TRIM50: variants seen among roughly 807,000 people sequenced by gnomAD.
TRIM50 encodes the protein E3 ubiquitin-protein ligase TRIM50.
Under a neutral mutation model 44.9 loss-of-function variants are expected in TRIM50, and 34 were observed. The ratio of observed to expected loss-of-function variants is 0.76; its 90% confidence interval spans 0.58 to 1.01. TRIM50 has a LOEUF of 1.01. TRIM50 is among the 50% of genes least tolerant of loss of function. The pLI, the probability that TRIM50 is intolerant of heterozygous loss-of-function variation, is 0.00. For synonymous variants in TRIM50, 307 were observed against 291.1 expected (o/e 1.05, Z -0.56); for missense variants, 633 against 663.7 (o/e 0.95, Z 0.51).
intron 5 of TRIM50, among the ~76,000 whole-genome samples, chr7:73,317,256 G>A (rs1804385110): frequency 6.6e-6 from 1 of 150,434 alleles, no homozygotes; most frequent in Non-Finnish European, 1.5e-5. Context: ...GTTTCACCAT[G>A]TTGCCCAGGC....
chr7:73,321,192 A>C (rs1804487095), intron 2 of TRIM50, among the ~76,000 whole-genome samples: 2 of 152,040 alleles, frequency 1.3e-5, no homozygotes, highest in Admixed American at 1.3e-4. Flanking sequence ...AATATTCTGC[A>C]TTGACAGCAG....
At chr7:73,322,218 G>GACT (rs1554545168) in intron 2 of TRIM50, among the ~76,000 whole-genome samples, 3 of 152,118 alleles carry the variant, frequency 2.0e-5, no homozygotes, top group Non-Finnish European at 4.4e-5. Context: ...GCATGGTGGT[G>GACT]GGCGCCTGTA....
Position 73,316,601 on chromosome 7 carries a change from T to G in TRIM50, c.838A>C (p.Thr280Pro). The G allele has an allele frequency of 6.2e-7, 1 of 1,614,222 alleles. No individual in the cohort carries two copies. Among genetic ancestry groups the G allele is most frequent in the Non-Finnish European group, 8.5e-7 (1 of 1,180,032 alleles). The stretch of plus-strand genomic sequence containing the variant: ...TTCCGGAAGAGCCTTTTCCACACGG[T>G]CAGCTTGATGTCAGCCTGGTGGAGG... ...PGLHQADIKL[T>P]VWKRLFRKVL... is the part of the protein sequence containing the mutation. The change falls in exon 6 of 7, where the codon ACC becomes CCC. Residue 280 changes from threonine (T) to proline (P), a missense_variant. By Grantham distance (38) the Thr-to-Pro change is conservative. Transcript: ENST00000333149.
At chr7:73,325,867 AC>A (rs1554545974) in intron 1 of TRIM50, among the ~76,000 whole-genome samples, 2 of 116,900 alleles carry the variant, frequency 1.7e-5, no homozygotes, top group Non-Finnish European at 3.2e-5. Flanking sequence ...TCTTGCTCTT[AC>A]TCTCCTTTTT....
chr7:73,314,503 A>G (rs2115716109), intron 6 of TRIM50: 1 of 377,376 alleles, frequency 2.6e-6, no homozygotes. Flanking sequence ...CTAAGAGGCC[A>G]CCTGTCCTTG....
rs1804276527 is a variant in TRIM50 at position 73,313,327 on chromosome 7, A to C, written c.1058T>G (p.Val353Gly). 3 of 1,602,560 alleles carry C rather than the reference A, an allele frequency of 1.9e-6. No individual in the cohort carries two copies. Among genetic ancestry groups the C allele is most frequent in the Admixed American group, 1.7e-5 (1 of 58,458 alleles). ...CCAGTCGCTCTTGCTGCCCACCACC[A>C]CCTCCCAGTAGTGGCGGCCGCAGGA... ...GFSCGRHYWE[V>G]VVGSKSDWRL... is the part of the protein sequence containing the mutation. The change falls in exon 7 of 7, where the codon GTG becomes GGG. Residue 353 changes from valine to glycine, a missense_variant. By Grantham distance (109) the Val-to-Gly change is moderately radical. Transcript: ENST00000333149. The surrounding 1 kb of genome is among the most constrained non-coding windows in gnomAD (Gnocchi z 4.9).
chr7:73,313,328 C>T lies in TRIM50; in HGVS notation c.1057G>A (p.Val353Met). The T allele has an allele frequency of 6.2e-7, 1 of 1,606,344 alleles. No individual in the cohort carries two copies. Among genetic ancestry groups the T allele is most frequent in the Non-Finnish European group, 8.5e-7 (1 of 1,177,324 alleles). The stretch of plus-strand genomic sequence containing the variant: ...CAGTCGCTCTTGCTGCCCACCACCA[C>T]CTCCCAGTAGTGGCGGCCGCAGGAG... ...GFSCGRHYWE[V>M]VVGSKSDWRL... The change falls in exon 7 of 7, where the codon GTG becomes ATG. Residue 353 changes from valine (V) to methionine (M), a missense_variant. Coordinates refer to ENST00000333149, the MANE Select transcript of TRIM50 (RefSeq NM_178125.3). The surrounding 1 kb of genome is among the most constrained non-coding windows in gnomAD (Gnocchi z 4.9).
intron 2 of TRIM50, among the ~76,000 whole-genome samples, chr7:73,323,726 G>A (rs1198952341): frequency 6.6e-6 from 1 of 152,196 alleles, no homozygotes; most frequent in African/African-American, 2.4e-5. Flanking sequence ...ACCATAGAGT[G>A]CAAACAGGGG....
In TRIM50 at chr7:73,313,058, G is replaced by T; in HGVS notation, c.1327C>A (p.Gln443Lys). 1.3e-6 allele frequency: 2 copies of T among 1,583,686 alleles called. No homozygotes were observed. Among genetic ancestry groups the T allele is most frequent in the East Asian group, 2.3e-5 (1 of 43,480 alleles). ...PDDLRPLYTF[Q>K]ADFQGKLYPI... Reference sequence around the variant, plus strand: ...TAGAGCTTGCCCTGGAAGTCGGCCTGGAAGGTGTAGAGCGGCCGCAGGTCA... The same window carrying T: ...TAGAGCTTGCCCTGGAAGTCGGCCTTGAAGGTGTAGAGCGGCCGCAGGTCA... Residue 443 changes from glutamine to lysine, a missense_variant, in exon 7 of 7, where the codon CAG becomes AAG. By Grantham distance (53) the Gln-to-Lys change is moderately conservative (BLOSUM62 1). Coordinates refer to ENST00000333149, the MANE Select transcript of TRIM50 (RefSeq NM_178125.3). The surrounding 1 kb of genome is among the most constrained non-coding windows in gnomAD (Gnocchi z 4.9).
rs1554544531 is a variant in TRIM50, at chr7:73,318,842, C to T, written c.706G>A (p.Asp236Asn). The change falls in exon 4 of 7, where the codon GAC (aspartate) becomes AAC (asparagine). Residue 236 changes from aspartate (D) to asparagine (N), a missense_variant. Physicochemically the swap from Asp to Asn is conservative, Grantham distance 23 (BLOSUM62 1). Coordinates refer to ENST00000333149, the MANE Select transcript of TRIM50 (RefSeq NM_178125.3). Reference protein sequence around the residue: ...ECVLEQFGNEDHHKFIRKFHS... With the variant: ...ECVLEQFGNENHHKFIRKFHS... The stretch of plus-strand genomic sequence containing the variant: ...CTCACCCGGATGAACTTGTGGTGGT[C>T]CTCATTGCCGAACTGTTCCAGCACA... 6.2e-7 allele frequency: 1 copy of T among 1,613,970 alleles called. No individual in the cohort carries two copies. Among genetic ancestry groups the T allele is most frequent in the South Asian group, 1.1e-5 (1 of 91,080 alleles).
At chr7:73,320,369 C>T (rs1230202463) in intron 2 of TRIM50, 127 bp from the exon 3 acceptor site, 5 of 1,355,674 alleles carry the variant, frequency 3.7e-6, no homozygotes, top group Middle Eastern at 1.9e-4. Flanking sequence ...GGAACCAGAG[C>T]CACCCAGGTA....
intron 2 of TRIM50, among the ~76,000 whole-genome samples, chr7:73,322,472 A>G (rs1284601303): frequency 2.0e-5 from 3 of 152,146 alleles, no homozygotes; most frequent in African/African-American, 7.2e-5. Flanking sequence ...CCATTAACTA[A>G]TAAAACATAA....
intron 2 of TRIM50, 76 bp downstream of exon 2, chr7:73,324,313 C>G (rs1238845226): frequency 2.1e-5 from 33 of 1,605,272 alleles, no homozygotes; most frequent in Non-Finnish European, 2.7e-5. Context: ...CTTTTGGTGC[C>G]AGGTGATGGC....
intron 5 of TRIM50, 104 bp from the exon 6 acceptor site, chr7:73,316,793 G>T: frequency 6.6e-7 from 1 of 1,504,260 alleles, no homozygotes. Context: ...GTGCAGGACT[G>T]CAGTCACAAT....
chr7:73,315,404 G>A (rs1421380230), intron 6 of TRIM50, among the ~76,000 whole-genome samples: 1 of 150,254 alleles, frequency 6.7e-6, no homozygotes, highest in African/African-American at 2.5e-5. Context: ...TGTCACCCAG[G>A]CTGGAGTGCA....
chr7:73,316,514 C>T (rs372194892), intron 6 of TRIM50, 51 bp downstream of exon 6: 3 of 1,607,538 alleles, frequency 1.9e-6, no homozygotes, highest in South Asian at 2.2e-5. Flanking sequence ...GATGAACTGC[C>T]ACCTGCCCTG....
rs145130759 is a variant in TRIM50, at chr7:73,324,426, G to A, written c.362C>T (p.Pro121Leu). ...GTAGACGGTGGAGACGGGCGTGACC[G>A]GGTGGTGTTGGTGGGAGCCCAGCAG... ...CGLLGSHQHH[P>L]VTPVSTVYSR... Residue 121 changes from proline (P) to leucine (L), a missense_variant, in exon 2 of 7, where the codon CCG becomes CTG. Coordinates refer to ENST00000333149, the MANE Select transcript of TRIM50 (RefSeq NM_178125.3). 2.0e-5 allele frequency: 33 copies of A among 1,613,512 alleles called. No homozygotes were observed. The highest frequency in any genetic ancestry group is 1.7e-4 in the Middle Eastern group (1 of 5,722).
In TRIM50 at chr7:73,324,479, G is replaced by A; in HGVS notation, c.309C>T (p.Asp103=). 3 of 1,613,616 alleles carry A rather than the reference G, an allele frequency of 1.9e-6. No homozygotes were observed. Among genetic ancestry groups the A allele is most frequent in the Non-Finnish European group, 2.5e-6 (3 of 1,180,026 alleles). ...CGCAGAGGCCACAGATGAGCTCCTG[G>A]TCCTTCTCGCAGAAAAGGCTGAGCG... The part of the protein sequence containing the change: ...RNPLSLFCEK[D]QELICGLCGL... The change falls in exon 2 of 7, where the codon GAC becomes GAT. Residue 103 remains aspartate, a synonymous_variant. Coordinates refer to ENST00000333149, the MANE Select transcript of TRIM50 (RefSeq NM_178125.3).
At chr7:73,314,230 A>G (rs1461624986) in intron 6 of TRIM50, 3 of 336,418 alleles carry the variant, frequency 8.9e-6, no homozygotes, top group Non-Finnish European at 1.7e-5. Flanking sequence ...TTGGCACTGG[A>G]CAGGACTTCC....
Sources: gnomAD v4.1 joint callset for allele counts (sites outside exome capture counted in the v4.1 genomes callset) on GRCh38, gnomAD v4.1.1 for gene constraint, Gnocchi (gnomAD v3.1) non-coding constraint, MANE v1.5 for transcripts, NCBI Gene and HGNC (gene_info 2026-07-23, HGNC 2026-07-21) for gene names.